Variants in TPO observed in about 807,000 individuals in gnomAD.
The protein encoded by TPO is thyroid peroxidase, also known as thyroid microsomal antigen.
A neutral mutation model predicts 96.9 loss-of-function variants in TPO; 78 were observed. That is an observed-to-expected ratio of 0.81 (90% confidence interval 0.67 to 0.97). TPO has a LOEUF of 0.97. TPO is among the 50% of genes least tolerant of loss of function. The pLI is 0.00. For missense variants in TPO, 1,252 were observed against 1,274.8 expected (o/e 0.98, Z 0.27); for synonymous variants, 547 against 538.0 (o/e 1.02, Z -0.23).
chr2:1,427,191 A>G (rs373816671), intron 3 of TPO, among the ~76,000 whole-genome samples: 2 of 152,240 alleles, frequency 1.3e-5, no homozygotes, highest in South Asian at 2.1e-4. Context: ...AAGGGGCCAC[A>G]TCTGGGGAGG....
intron 2 of TPO, among the ~76,000 whole-genome samples, chr2:1,416,234 C>T (rs1662948061): frequency 6.6e-6 from 1 of 152,212 alleles, no homozygotes; most frequent in African/African-American, 2.4e-5. Flanking sequence ...GATTTTGCAT[C>T]TTCCCAGAAT....
At chr2:1,465,306 A>G (rs1007588594) in intron 7 of TPO, among the ~76,000 whole-genome samples, 4 of 152,052 alleles carry the variant, frequency 2.6e-5, no homozygotes, top group African/African-American at 7.2e-5. Context: ...CTATGGCCTT[A>G]TAGTATAGTT....
intron 15 of TPO, among the ~76,000 whole-genome samples, chr2:1,528,342 AC>A (rs1334118124): frequency 1.0e-5 from 1 of 98,802 alleles, no homozygotes; most frequent in Non-Finnish European, 1.9e-5. Flanking sequence ...CAAGTCTGCA[AC>A]CCCCCAAGTC....
intron 15 of TPO, among the ~76,000 whole-genome samples, chr2:1,522,306 C>T (rs1216436921): frequency 2.9e-5 from 2 of 69,658 alleles, no homozygotes; most frequent in Non-Finnish European, 6.2e-5. Context: ...CTTGCCCTCA[C>T]AGTCTCTCTA....
chr2:1,480,018 G>A (rs1321423283), intron 8 of TPO, among the ~76,000 whole-genome samples: 2 of 152,162 alleles, frequency 1.3e-5, no homozygotes, highest in Admixed American at 6.5e-5. Flanking sequence ...CTTTCCTCAA[G>A]TGATCCGCCT....
chr2:1,413,075 C>T (rs1016969081), upstream of TPO, among the ~76,000 whole-genome samples: 2 of 152,168 alleles, frequency 1.3e-5, no homozygotes, highest in African/African-American at 2.4e-5. Flanking sequence ...AGTTGTAGAG[C>T]GAGTCATCGG....
At chr2:1,393,524 A>G (rs1662036139) in intron 1 of TPO, among the ~76,000 whole-genome samples, 1 of 152,316 alleles carries the variant, frequency 6.6e-6, no homozygotes, top group East Asian at 1.9e-4. Flanking sequence ...CTTGTGCCCA[A>G]GGACACCCTG....
chr2:1,385,691 G>T (rs1661882119), intron 1 of TPO, among the ~76,000 whole-genome samples: 1 of 151,572 alleles, frequency 6.6e-6, no homozygotes, highest in Non-Finnish European at 1.5e-5. Context: ...TTTTTTGAAG[G>T]GTTTTTTGTG....
intron 1 of TPO, 131 bp downstream of exon 1, chr2:1,413,676 G>A (rs1050725996): frequency 1.0e-6 from 1 of 985,354 alleles, no homozygotes; most frequent in Middle Eastern, 5.2e-4. Flanking sequence ...CAGCAAAGCT[G>A]ACTGACTGAC....
chr2:1,399,639 G>A (rs1364355890), intron 1 of TPO, among the ~76,000 whole-genome samples: 2 of 152,216 alleles, frequency 1.3e-5, no homozygotes, highest in Admixed American at 6.5e-5. Flanking sequence ...AAGCAAATCT[G>A]AAGATCAGAG....
intron 7 of TPO, among the ~76,000 whole-genome samples, chr2:1,473,828 A>G (rs1669657020): frequency 6.6e-6 from 1 of 152,184 alleles, no homozygotes; most frequent in Non-Finnish European, 1.5e-5. Flanking sequence ...AAAACAAAAA[A>G]GAAAGAAGGA....
At chr2:1,464,407 G>C (rs1226475095) in intron 7 of TPO, among the ~76,000 whole-genome samples, 1 of 152,200 alleles carries the variant, frequency 6.6e-6, no homozygotes, top group African/African-American at 2.4e-5. Context: ...CCTCTGGGTA[G>C]ATACCCAGGA....
At chr2:1,504,987 G>A (rs1208135404) in intron 14 of TPO, among the ~76,000 whole-genome samples, 1 of 152,162 alleles carries the variant, frequency 6.6e-6, no homozygotes, top group Non-Finnish European at 1.5e-5. Flanking sequence ...AGGGGTCAGT[G>A]CAAAACGCTT....
At chr2:1,489,031 C>A (rs1671439107) in intron 10 of TPO, among the ~76,000 whole-genome samples, 1 of 152,156 alleles carries the variant, frequency 6.6e-6, no homozygotes, top group African/African-American at 2.4e-5. Flanking sequence ...CCTTCACATG[C>A]CCGGCACATA....
chr2:1,414,377 T>G, intron 1 of TPO, 31 bp from the exon 2 acceptor site: 1 of 1,600,886 alleles, frequency 6.2e-7, no homozygotes, highest in Non-Finnish European at 8.5e-7. Flanking sequence ...AGTGCTTGAT[T>G]ACATACTCTG....
intron 5 of TPO, among the ~76,000 whole-genome samples, chr2:1,441,528 T>A (rs1311217692): frequency 6.6e-6 from 1 of 152,152 alleles, no homozygotes; most frequent in Non-Finnish European, 1.5e-5. Flanking sequence ...GTAGTATCAT[T>A]TAAAGGATTT....
intron 14 of TPO, among the ~76,000 whole-genome samples, chr2:1,516,049 G>A (rs960901367): frequency 1.3e-5 from 2 of 152,202 alleles, no homozygotes; most frequent in Non-Finnish European, 2.9e-5. Context: ...GTTCAGAGCC[G>A]CAGTGGCCCC....
intron 11 of TPO, among the ~76,000 whole-genome samples, chr2:1,494,406 T>A (rs1299360121): frequency 6.6e-6 from 1 of 152,218 alleles, no homozygotes; most frequent in African/African-American, 2.4e-5. Context: ...AGGTGGACAG[T>A]GACTCAGGCG....
intron 14 of TPO, among the ~76,000 whole-genome samples, chr2:1,504,767 C>T (rs1383488916): frequency 6.6e-6 from 1 of 152,192 alleles, no homozygotes; most frequent in Non-Finnish European, 1.5e-5. Context: ...GCGAGAGACG[C>T]TCCTGGTCAC....
Sources: gnomAD v4.1 joint callset for allele counts (sites outside exome capture counted in the v4.1 genomes callset) on GRCh38, gnomAD v4.1.1 for gene constraint, MANE v1.5 for transcripts, NCBI Gene and HGNC (gene_info 2026-07-23, HGNC 2026-07-21) for gene names.